Variants in TMEM255B observed in about 807,000 individuals in gnomAD.
The protein encoded by TMEM255B is family with sequence similarity 70, member B.
Under a neutral mutation model 34.5 loss-of-function variants are expected in TMEM255B, and 35 were observed. The ratio of observed to expected loss-of-function variants is 1.01; its 90% CI spans 0.77 to 1.34. The LOEUF (loss-of-function observed/expected upper bound fraction) is 1.34. TMEM255B is among the 40% of genes most tolerant of loss of function. TMEM255B has a pLI of 0.00. For missense variants in TMEM255B, 432 were observed against 433.2 expected (o/e 1.00, Z 0.02); for synonymous variants, 206 against 201.2 (o/e 1.02, Z -0.20).
intron 3 of TMEM255B, among the ~76,000 whole-genome samples, chr13:113,780,574 C>T (rs1440912170): frequency 1.3e-5 from 2 of 152,198 alleles, no homozygotes; most frequent in Non-Finnish European, 2.9e-5. Context: ...AATGATCACT[C>T]CAGTCTCCTA....
At chr13:113,764,602 C>T (rs1468536344) in intron 1 of TMEM255B, among the ~76,000 whole-genome samples, 3 of 152,216 alleles carry the variant, frequency 2.0e-5, no homozygotes, top group Non-Finnish European at 4.4e-5. Flanking sequence ...TGTCCCCAGC[C>T]CTGCTTAAGT....
intron 2 of TMEM255B, among the ~76,000 whole-genome samples, chr13:113,767,949 A>G (rs1475157293): frequency 6.6e-6 from 1 of 152,276 alleles, no homozygotes; most frequent in Non-Finnish European, 1.5e-5. Context: ...CAGCACATGA[A>G]GAAATATTCC....
chr13:113,793,165 C>T (rs536219346), intron 3 of TMEM255B, among the ~76,000 whole-genome samples: 6 of 152,338 alleles, frequency 3.9e-5, no homozygotes, highest in East Asian at 3.9e-4. Flanking sequence ...AAGGCCACCC[C>T]GAGAACCCTT....
At position 113,816,697 on chromosome 13, in the gene TMEM255B, A is replaced by G. The variant is rs1345444974; in HGVS notation, c.*4794A>G. 1 of 152,224 alleles carries G rather than the reference A, an allele frequency of 6.6e-6. No individual in the cohort carries two copies. The highest frequency in any genetic ancestry group is 2.4e-5 in the African/African-American group (1 of 41,448). The allele number at this position is 152,224 out of a possible 1,614,324, so 9.4% of individuals were successfully genotyped here. The stretch of plus-strand genomic sequence containing the variant: ...CACAGAGGCAGAAGAGGATTCCACG[A>G]GGCCGGGGCCCGTCAGCAGATCCTC... On this transcript the variant is annotated 3_prime_UTR_variant, in exon 9 of 9. Transcript: ENST00000375353.
At chr13:113,795,388 G>A (rs1041544609) in intron 4 of TMEM255B, 151 bp downstream of exon 4, 17 of 762,260 alleles carry the variant, frequency 2.2e-5, no homozygotes, top group Non-Finnish European at 3.6e-5. Context: ...TCTCCTCTCA[G>A]TAAGTCTCAT....
In TMEM255B at chr13:113,800,917, G is replaced by A. The variant is rs1216639509; in HGVS notation, c.509+5G>A. 2.5e-6 allele frequency: 3 copies of A among 1,204,336 alleles called. No homozygotes were observed. The highest frequency in any genetic ancestry group is 1.3e-5 in the South Asian group (1 of 76,974). 74.6% of individuals were successfully genotyped at this position (1,204,336 alleles called of 1,614,324 possible). A position where few individuals can be genotyped will look rare whatever the true frequency, so the allele number is the denominator to read the frequency against. On this transcript the variant is annotated splice_donor_5th_base_variant and intron_variant, in intron 6 of 8. Coordinates refer to ENST00000375353, the MANE Select transcript of TMEM255B (RefSeq NM_182614.4). ...TGACCTCTATGCCTGCGGGAGGTGA[G>A]GGGCACCGGGGACCCCCATATCTAC...
At chr13:113,781,078 A>T (rs912472277) in intron 3 of TMEM255B, among the ~76,000 whole-genome samples, 1 of 152,346 alleles carries the variant, frequency 6.6e-6, no homozygotes, top group South Asian at 2.1e-4. Flanking sequence ...ACATTAGTGT[A>T]CTATTAATGT....
intron 3 of TMEM255B, among the ~76,000 whole-genome samples, chr13:113,771,197 T>C (rs1201836805): frequency 6.6e-6 from 1 of 152,178 alleles, no homozygotes; most frequent in East Asian, 1.9e-4. Flanking sequence ...TTCCTGTCTC[T>C]GTAGATTCCT....
intron 1 of TMEM255B, among the ~76,000 whole-genome samples, chr13:113,765,096 T>C (rs955563963): frequency 1.3e-5 from 2 of 152,146 alleles, no homozygotes; most frequent in African/African-American, 2.4e-5. Flanking sequence ...GATGAGATTC[T>C]TGGGACAAGT....
chr13:113,807,743 T>G (rs1175791435), intron 8 of TMEM255B, among the ~76,000 whole-genome samples: 4 of 111,732 alleles, frequency 3.6e-5, no homozygotes, highest in African/African-American at 1.1e-4. Context: ...TTATGGGATG[T>G]GGGGGGTAGT....
chr13:113,804,832 C>G, intron 7 of TMEM255B, 53 bp from the exon 8 acceptor site: 1 of 1,511,544 alleles, frequency 6.6e-7, no homozygotes, highest in Non-Finnish European at 8.9e-7. Flanking sequence ...GCTGGACAGC[C>G]CTTCCCTCCA....
chr13:113,772,229 C>G (rs1187913782), intron 3 of TMEM255B, among the ~76,000 whole-genome samples: 2 of 152,144 alleles, frequency 1.3e-5, no homozygotes, highest in African/African-American at 4.8e-5. Flanking sequence ...TTTATGTATT[C>G]TAGATACAAA....
Position 113,811,277 on chromosome 13 carries a change from G to A in TMEM255B, c.814-459G>A, listed in dbSNP as rs1181062131. Among the ~76,000 whole-genome samples, 190 of 131,260 alleles carry A rather than the reference G, an allele frequency of 1.4e-3. 3 individuals carry two copies. The highest frequency in any genetic ancestry group is 5.5e-3 in the African/African-American group (180 of 32,690). The allele number at this position is 131,260 out of a possible 152,430, so 86.1% of individuals were successfully genotyped here. A position where few individuals can be genotyped will look rare whatever the true frequency, so the allele number is the denominator to read the frequency against. On this transcript the variant is annotated intron_variant, in intron 8 of 8. Transcript: ENST00000375353. The stretch of plus-strand genomic sequence containing the variant: ...TGGGGGCCCGTGACAGTGGTCCTGG[G>A]TCTGTGGGGGCCCGTGAGAGTGGGC...
Position 113,799,356 on chromosome 13 carries a change from C to T in TMEM255B, c.360C>T (p.Thr120=), listed in dbSNP as rs376979844. 43 of 1,614,026 alleles carry T rather than the reference C, an allele frequency of 2.7e-5. No individual in the cohort carries two copies. The highest frequency in any genetic ancestry group is 3.4e-5 in the Non-Finnish European group (40 of 1,180,040). The change falls in exon 5 of 9, where the codon ACC becomes ACT. Residue 120 remains threonine (T), a synonymous_variant. Transcript: ENST00000375353. ...TTCTCTAGGAACCGAGGCCCCTCACCACGGGAAGATGCCAGTTTTACTCCA... is the reference window on the plus strand; with the variant it reads ...TTCTCTAGGAACCGAGGCCCCTCACTACGGGAAGATGCCAGTTTTACTCCA... The part of the protein sequence containing the change: ...AAQHIEPRPL[T]TGRCQFYSSG...
chr13:113,774,094 C>A (rs2050519452), intron 3 of TMEM255B, among the ~76,000 whole-genome samples: 1 of 151,516 alleles, frequency 6.6e-6, no homozygotes, highest in Non-Finnish European at 1.5e-5. Context: ...GCCCCCCACC[C>A]AACTCCATCA....
At chr13:113,811,685 G>A (rs749368058) in intron 8 of TMEM255B, 51 bp from the exon 9 acceptor site, 77 of 1,605,912 alleles carry the variant, frequency 4.8e-5, no homozygotes, top group Non-Finnish European at 5.6e-5. Context: ...CCTGTGGTCC[G>A]GCACGGGGTG....
At chr13:113,809,669 G>A (rs902540581) in intron 8 of TMEM255B, among the ~76,000 whole-genome samples, 24 of 150,732 alleles carry the variant, frequency 1.6e-4, no homozygotes, top group Non-Finnish European at 3.1e-4. Flanking sequence ...GTTTTACTCC[G>A]TGGTTCCTGG....
intron 1 of TMEM255B, among the ~76,000 whole-genome samples, chr13:113,759,907 G>A (rs1038905587): frequency 2.6e-5 from 4 of 152,120 alleles, no homozygotes; most frequent in Admixed American, 1.3e-4. Context: ...TGCAGCCTCG[G>A]AGCCAGGCAA....
rs547429771 is a variant in TMEM255B at position 113,778,705 on chromosome 13, T to G, written c.252+9545T>G. On this transcript the variant is annotated intron_variant, in intron 3 of 8. Coordinates refer to ENST00000375353, the MANE Select transcript of TMEM255B (RefSeq NM_182614.4). ...CTCGATTTCACCTGCTGTAATGATA[T>G]GACGATGATCACCTGTGGTACTGTG... 2.6e-5 allele frequency among the ~76,000 whole-genome samples: 4 copies of G among 152,292 alleles called. No homozygotes were observed. In the South Asian group the frequency reaches 6.2e-4, roughly 24 times the overall value.
Sources: gnomAD v4.1 joint callset for allele counts (sites outside exome capture counted in the v4.1 genomes callset) on GRCh38, gnomAD v4.1.1 for gene constraint, MANE v1.5 for transcripts, NCBI Gene and HGNC (gene_info 2026-07-23, HGNC 2026-07-21) for gene names.